TDRP: variants seen among roughly 807,000 people sequenced by gnomAD.
The protein encoded by TDRP is testis development related protein, also known as testis development-related protein.
TDRP carries 12 observed loss-of-function variants against 10.5 expected under a neutral mutation model. The ratio of observed to expected loss-of-function variants is 1.15; its 90% CI spans 0.73 to 1.86. The LOEUF (loss-of-function observed/expected upper bound fraction) is 1.86, where lower values mean the gene tolerates loss of function less well. TDRP is among the 40% of genes most tolerant of loss of function. The pLI, the probability that TDRP is intolerant of heterozygous loss-of-function variation, is 0.00. For missense variants in TDRP, 353 were observed against 229.2 expected (o/e 1.54, Z -3.49); for synonymous variants, 139 against 95.4 (o/e 1.46, Z -2.67).
chr8:506,924 T>A (rs1485265938), intron 1 of TDRP, among the ~76,000 whole-genome samples: 1 of 152,138 alleles, frequency 6.6e-6, no homozygotes, highest in Non-Finnish European at 1.5e-5. Context: ...GAGGTATTAG[T>A]TCATTCTCAC....
At chr8:495,731 G>A (rs1801110205) in intron 1 of TDRP, among the ~76,000 whole-genome samples, 1 of 152,222 alleles carries the variant, frequency 6.6e-6, no homozygotes. Flanking sequence ...ACCTGAGGCT[G>A]CAGCATGACA....
Position 535,097 on chromosome 8 carries a change from T to C in TDRP, c.108+9553A>G, listed in dbSNP as rs553025157. ...GTCTATAACATTTTTGTACAGAATA[T>C]TGTACTTCCATCTGAAAGATTAGAA... is the stretch of plus-strand genomic sequence containing the variant. On this transcript the variant is annotated intron_variant, in intron 1 of 2. Transcript: ENST00000324079. 1.4e-3 allele frequency among the ~76,000 whole-genome samples: 220 copies of C among 152,210 alleles called. 2 individuals are homozygous for C. The highest frequency in any genetic ancestry group is 2.4e-3 in the Admixed American group (36 of 15,286).
intron 1 of TDRP, among the ~76,000 whole-genome samples, chr8:539,616 T>C (rs1255627176): frequency 1.3e-5 from 2 of 152,228 alleles, no homozygotes; most frequent in African/African-American, 4.8e-5. Context: ...AAAACAGCTT[T>C]ATTTCTAAAG....
In TDRP at chr8:492,507, G is replaced by C; in HGVS notation, c.450C>G (p.Ala150=). Residue 150 remains alanine (A), a synonymous_variant, in exon 3 of 3, where the codon GCC becomes GCG. Transcript: ENST00000324079. Reference sequence around the variant, plus strand: ...TCCACCTGGAGCTGTTGGCAGAGCTGGCCAGGCTGGTGTACTTGGTCGAGC... The same window carrying C: ...TCCACCTGGAGCTGTTGGCAGAGCTCGCCAGGCTGGTGTACTTGGTCGAGC... ...AKGSTKYTSL[A]SSANSSRWSL... is the part of the protein sequence containing the mutation. 1 of 1,610,470 alleles carries C rather than the reference G, an allele frequency of 6.2e-7. No individual in the cohort carries two copies. The highest frequency in any genetic ancestry group is 8.5e-7 in the Non-Finnish European group (1 of 1,178,138).
At chr8:519,917 T>C (rs1195793766) in intron 1 of TDRP, among the ~76,000 whole-genome samples, 1 of 152,180 alleles carries the variant, frequency 6.6e-6, no homozygotes, top group Non-Finnish European at 1.5e-5. Context: ...CCCTGAAGCT[T>C]CTAAGGAAAT....
chr8:531,516 C>G (rs750451043), intron 1 of TDRP, among the ~76,000 whole-genome samples: 16 of 152,086 alleles, frequency 1.1e-4, no homozygotes, highest in Non-Finnish European at 1.9e-4. Flanking sequence ...TGTAGGACAC[C>G]CAGCTGGTAC....
intron 1 of TDRP, chr8:494,966 G>T: frequency 6.0e-6 from 1 of 166,488 alleles, no homozygotes; most frequent in Non-Finnish European, 1.3e-5. Flanking sequence ...GCATGGTGGC[G>T]CATACCTGAA....
rs1041281822 is a variant in TDRP at position 533,402 on chromosome 8, T to C, written c.108+11248A>G. On this transcript the variant is annotated intron_variant, in intron 1 of 2. Transcript: ENST00000324079. ...TCCTGACAACCCTAGCTCAAAACTT[T>C]CACCTGCAGCTGCTTTTCTGCCTTC... 3.3e-5 allele frequency among the ~76,000 whole-genome samples: 5 copies of C among 152,270 alleles called. No homozygotes were observed. The East Asian group carries it at 9.7e-4, about 29-fold the overall frequency.
At chr8:511,936 T>A (rs34391369) in intron 1 of TDRP, among the ~76,000 whole-genome samples, 56,110 of 151,926 alleles carry the variant, frequency 0.37, 10,952 homozygotes, top group Middle Eastern at 0.46. Flanking sequence ...AGGAAATTTA[T>A]AGCTGTAAAT....
Position 507,599 on chromosome 8 carries a change from C to G in TDRP, c.109-13002G>C, listed in dbSNP as rs182339632. 2.6e-3 allele frequency among the ~76,000 whole-genome samples: 394 copies of G among 152,284 alleles called. 3 individuals carry two copies. The highest frequency in any genetic ancestry group is 9.1e-3 in the African/African-American group (379 of 41,544). Reference sequence around the variant, plus strand: ...ATCATCCCAGGTAAGAGGGGCCACACCCAACAGTGCCGTGCCCCACCAGAA... The same window carrying G: ...ATCATCCCAGGTAAGAGGGGCCACAGCCAACAGTGCCGTGCCCCACCAGAA... On this transcript the variant is annotated intron_variant, in intron 1 of 2. Coordinates refer to ENST00000324079, the MANE Select transcript of TDRP (RefSeq NM_001384899.1).
chr8:534,906 C>A (rs1245135876), intron 1 of TDRP, among the ~76,000 whole-genome samples: 3 of 152,132 alleles, frequency 2.0e-5, no homozygotes, highest in Non-Finnish European at 4.4e-5. Context: ...ATGGCAGGCA[C>A]CAGTATCATT....
At chr8:524,305 G>C (rs1440489142) in intron 1 of TDRP, among the ~76,000 whole-genome samples, 1 of 152,074 alleles carries the variant, frequency 6.6e-6, no homozygotes, top group East Asian at 1.9e-4. Flanking sequence ...TTGAATACTT[G>C]GAAAGCTTTC....
chr8:525,832 T>G (rs1331214977), intron 1 of TDRP, among the ~76,000 whole-genome samples: 2 of 152,236 alleles, frequency 1.3e-5, no homozygotes, highest in East Asian at 3.9e-4. Flanking sequence ...TCAATAACAC[T>G]GAATGTAAAT....
chr8:502,409 A>C (rs1285917342), intron 1 of TDRP, among the ~76,000 whole-genome samples: 1 of 152,244 alleles, frequency 6.6e-6, no homozygotes, highest in African/African-American at 2.4e-5. Context: ...GTGCCAGGCC[A>C]ACGACCCTTC....
rs1157343006 is a variant in TDRP at position 544,669 on chromosome 8, G to A, written c.89C>T (p.Ala30Val). 1.6e-6 allele frequency: 2 copies of A among 1,244,444 alleles called. No homozygotes were observed. The highest frequency in any genetic ancestry group is 2.0e-6 in the Non-Finnish European group (2 of 995,396). 77.1% of individuals were successfully genotyped at this position (1,244,444 alleles called of 1,614,324 possible). The change falls in exon 1 of 3, where the codon GCC (alanine) becomes GTC (valine). Residue 30 changes from alanine (A) to valine (V), a missense_variant. Ala to Val is a moderately conservative substitution (Grantham distance 64). Transcript: ENST00000324079. ...CCTCACCTGCGCCTGGGCGGCGGCG[G>A]CGGCGGCCGGTGGCGGCCCCCCACG... ...GLRGGPPPAA[A>V]AAAQAQVQGA...
At chr8:497,790 C>G (rs916859206) in intron 1 of TDRP, among the ~76,000 whole-genome samples, 7 of 152,156 alleles carry the variant, frequency 4.6e-5, no homozygotes, top group Non-Finnish European at 1.0e-4. Flanking sequence ...CTGGGCCAGG[C>G]CCAGGGTCCT....
At position 492,108 on chromosome 8, in the gene TDRP, C is replaced by A; in HGVS notation, c.*291G>T. ...TTTTGTGAGAAACTGCAAATCATTA[C>A]TGCTGTATTATGGGAGAGCATCATA... is the stretch of plus-strand genomic sequence containing the variant. On this transcript the variant is annotated 3_prime_UTR_variant, in exon 3 of 3. Transcript: ENST00000324079. The A allele has an allele frequency of 8.3e-7, 1 of 1,210,696 alleles. No homozygotes were observed. Among genetic ancestry groups the A allele is most frequent in the East Asian group, 3.5e-5 (1 of 28,206 alleles). 75.0% of individuals were successfully genotyped at this position (1,210,696 alleles called of 1,614,324 possible).
intron 1 of TDRP, among the ~76,000 whole-genome samples, chr8:532,918 C>T (rs2116860002): frequency 6.6e-6 from 1 of 152,250 alleles, no homozygotes; most frequent in African/African-American, 2.4e-5. Flanking sequence ...CTGCATGGAC[C>T]CCAAAGCCTA....
chr8:517,384 A>C, intron 1 of TDRP, among the ~76,000 whole-genome samples: 1 of 152,164 alleles, frequency 6.6e-6, no homozygotes, highest in South Asian at 2.1e-4. Context: ...GAGAGATTAA[A>C]CGAAGCATCT....
Sources: gnomAD v4.1 joint callset for allele counts (sites outside exome capture counted in the v4.1 genomes callset) on GRCh38, gnomAD v4.1.1 for gene constraint, MANE v1.5 for transcripts, NCBI Gene and HGNC (gene_info 2026-07-23, HGNC 2026-07-21) for gene names.